Variants in ZAP70 observed in about 807,000 individuals in gnomAD.
ZAP70 encodes the protein tyrosine-protein kinase ZAP-70.
In ZAP70, 27 loss-of-function variants were observed where a neutral mutation model predicts 65.8. The ratio of observed to expected loss-of-function variants is 0.41; its 90% CI spans 0.30 to 0.57. The LOEUF (loss-of-function observed/expected upper bound fraction) is 0.57, where lower values mean the gene tolerates loss of function less well. Ranked by LOEUF, ZAP70 falls within the 20% of genes least tolerant of loss-of-function variation. The pLI, the probability that ZAP70 is intolerant of heterozygous loss-of-function variation, is 0.28. For missense variants in ZAP70, 696 were observed against 870.5 expected (o/e 0.80, Z 2.52); for synonymous variants, 363 against 360.8 (o/e 1.01, Z -0.07).
In ZAP70 at chr2:97,739,696, G is replaced by A. The variant is rs1678067388; in HGVS notation, c.*198G>A. 1.0e-5 allele frequency: 9 copies of A among 860,128 alleles called. No individual in the cohort carries two copies. The East Asian group carries it at 1.3e-4, about 13-fold the overall frequency. The allele number at this position is 860,128 out of a possible 1,614,324, so 53.3% of individuals were successfully genotyped here. On this transcript the variant is annotated 3_prime_UTR_variant, in exon 14 of 14. Transcript: ENST00000264972. ...CTCTGGCTGGGGAGCAGGGAGGTCC[G>A]GGAGGGTGCGGCTGTGCAGCCTGTC...
At position 97,737,353 on chromosome 2, in the gene ZAP70, T is replaced by C; in HGVS notation, c.1290-120T>C. On this transcript the variant is annotated intron_variant, in intron 10 of 13. Coordinates refer to ENST00000264972, the MANE Select transcript of ZAP70 (RefSeq NM_001079.4). The surrounding 1 kb of genome is among the most constrained non-coding windows in gnomAD (Gnocchi z 5.0). ...CGCCTGGCACACAGCAGGTGCTCAA[T>C]AAGCGTTTTTGAACACATGGTCACC... 2.9e-6 allele frequency: 3 copies of C among 1,042,112 alleles called. No homozygotes were observed. The highest frequency in any genetic ancestry group is 1.9e-5 in the Admixed American group (1 of 51,320). The allele number at this position is 1,042,112 out of a possible 1,614,324, so 64.6% of individuals were successfully genotyped here. A position where few individuals can be genotyped will look rare whatever the true frequency, so the allele number is the denominator to read the frequency against.
At chr2:97,744,529 T>C (rs556683976), downstream of ZAP70, among the ~76,000 whole-genome samples, 115 of 152,298 alleles carry the variant, frequency 7.6e-4, no homozygotes, top group African/African-American at 2.7e-3. Flanking sequence ...GTTTAGCACT[T>C]AGTAGCTGCT....
rs1677656019 is a variant in ZAP70 at position 97,732,635 on chromosome 2, G to T, written c.564-248G>T. On this transcript the variant is annotated intron_variant, in intron 4 of 13. Coordinates refer to ENST00000264972, the MANE Select transcript of ZAP70 (RefSeq NM_001079.4). ...AGGTATTCCCCGTGAATGGCCATCT[G>T]TTGGCTCTTGGAGAACAGTGCATTT... The T allele has an allele frequency of 1.7e-5, 10 of 598,552 alleles. No individual in the cohort carries two copies. The South Asian group carries it at 2.0e-4, about 12-fold the overall frequency. 37.1% of individuals were successfully genotyped at this position (598,552 alleles called of 1,614,324 possible).
chr2:97,749,803 C>G, the ZAP70 span, among the ~76,000 whole-genome samples: 1 of 152,122 alleles, frequency 6.6e-6, no homozygotes, highest in Non-Finnish European at 1.5e-5. Context: ...AACGGGAGCC[C>G]AGGCTGGCGG....
intron 2 of ZAP70, among the ~76,000 whole-genome samples, chr2:97,718,113 C>A (rs1209690268): frequency 6.6e-6 from 1 of 152,160 alleles, no homozygotes; most frequent in Non-Finnish European, 1.5e-5. Flanking sequence ...TCACTGGGGA[C>A]TGAGGGACGC....
At chr2:97,745,954 C>T in the ZAP70 span, among the ~76,000 whole-genome samples, 1 of 152,252 alleles carries the variant, frequency 6.6e-6, no homozygotes, top group East Asian at 1.9e-4. Context: ...GTATACATTC[C>T]ATGGAACATT....
rs1166106157 is a variant in ZAP70, at chr2:97,739,482, A to C, written c.1844A>C (p.Glu615Ala). ...CCCCCAGGCAGCACACAGAAGGCTGAGGCTGCCTGTGCCTGAGCTCCCGCT... is the reference window on the plus strand; with the variant it reads ...CCCCCAGGCAGCACACAGAAGGCTGCGGCTGCCTGTGCCTGAGCTCCCGCT... ...EGPPGSTQKA[E>A]AACA The change falls in exon 14 of 14, where the codon GAG becomes GCG. Residue 615 changes from glutamate (E) to alanine (A), a missense_variant. Transcript: ENST00000264972. 6.2e-7 allele frequency: 1 copy of C among 1,612,934 alleles called. No individual in the cohort carries two copies. Among genetic ancestry groups the C allele is most frequent in the East Asian group, 2.2e-5 (1 of 44,868 alleles).
At chr2:97,717,257 G>T (rs1447907806) in intron 2 of ZAP70, among the ~76,000 whole-genome samples, 1 of 152,088 alleles carries the variant, frequency 6.6e-6, no homozygotes, top group Non-Finnish European at 1.5e-5. Flanking sequence ...GGTGGTGGGG[G>T]GGCAGTAGGA....
downstream of ZAP70, among the ~76,000 whole-genome samples, chr2:97,741,677 C>A (rs537104525): frequency 6.6e-6 from 1 of 152,250 alleles, no homozygotes. Context: ...TACCTCTCAA[C>A]GCAGCCTGGG....
In ZAP70 at chr2:97,737,685, A is replaced by G. The variant is rs1334980235; in HGVS notation, c.1482+20A>G. 6.2e-7 allele frequency: 1 copy of G among 1,614,046 alleles called. No individual in the cohort carries two copies. Among genetic ancestry groups the G allele is most frequent in the Non-Finnish European group, 8.5e-7 (1 of 1,179,982 alleles). On this transcript the variant is annotated intron_variant, in intron 11 of 13. Coordinates refer to ENST00000264972, the MANE Select transcript of ZAP70 (RefSeq NM_001079.4). The surrounding 1 kb of genome is among the most constrained non-coding windows in gnomAD (Gnocchi z 5.0). ...TACACTGTAAGCCTCTGCCCCTGTG[A>G]TGCCCGACTGGATGGGCTGGGTGGG...
the ZAP70 span, among the ~76,000 whole-genome samples, chr2:97,748,604 C>CGACTGCTG: frequency 2.0e-5 from 3 of 152,160 alleles, no homozygotes; most frequent in Non-Finnish European, 4.4e-5. Context: ...CTCTGTGCTG[C>CGACTGCTG]GACTGGCTGC....
chr2:97,724,907 C>T, intron 3 of ZAP70, 185 bp from the exon 4 acceptor site: 1 of 1,533,648 alleles, frequency 6.5e-7, no homozygotes, highest in Non-Finnish European at 8.7e-7. Flanking sequence ...GGGGTGGTTC[C>T]TCCCTAGCTG....
At position 97,735,062 on chromosome 2, in the gene ZAP70, G is replaced by T. The variant is rs996246356; in HGVS notation, c.1083-188G>T. 1.0e-4 allele frequency: 75 copies of T among 725,854 alleles called. 2 individuals carry two copies. The South Asian group carries it at 1.2e-3, about 12-fold the overall frequency. 45.0% of individuals were successfully genotyped at this position (725,854 alleles called of 1,614,324 possible). ...ATGGGCTGTTCCCGGTGAGCGATCCGGCTGTGAGCCGTCCTCAGCAGACGC... is the reference window on the plus strand; with the variant it reads ...ATGGGCTGTTCCCGGTGAGCGATCCTGCTGTGAGCCGTCCTCAGCAGACGC... On this transcript the variant is annotated intron_variant, in intron 9 of 13. Transcript: ENST00000264972.
intron 4 of ZAP70, among the ~76,000 whole-genome samples, chr2:97,732,210 C>T (rs953262555): frequency 3.3e-5 from 5 of 152,280 alleles, no homozygotes; most frequent in South Asian, 2.1e-4. Context: ...AGAAGGCAAT[C>T]GAGGGTCTCA....
At chr2:97,755,013 T>C in the ZAP70 span, among the ~76,000 whole-genome samples, 2 of 152,206 alleles carry the variant, frequency 1.3e-5, no homozygotes, top group Admixed American at 6.5e-5. Context: ...TCACGCCAAA[T>C]AACATTTTGA....
chr2:97,731,865 A>G lies in ZAP70; in HGVS notation c.564-1018A>G, dbSNP rs1469586945. On this transcript the variant is annotated intron_variant, in intron 4 of 13. Transcript: ENST00000264972. The surrounding 1 kb of genome is among the most constrained non-coding windows in gnomAD (Gnocchi z 4.0). ...GTAGTGCAGTGCAATCCCTGAGATCAGGAGTCGGCTGCTTCCGGCCTCCAC... is the reference window on the plus strand; with the variant it reads ...GTAGTGCAGTGCAATCCCTGAGATCGGGAGTCGGCTGCTTCCGGCCTCCAC... Among the ~76,000 whole-genome samples, 2 of 152,148 alleles carry G rather than the reference A, an allele frequency of 1.3e-5. No homozygotes were observed. Among genetic ancestry groups the G allele is most frequent in the East Asian group, 3.9e-4 (2 of 5,168 alleles).
intron 9 of ZAP70, 116 bp from the exon 10 acceptor site, chr2:97,735,134 G>T: frequency 7.6e-7 from 1 of 1,309,094 alleles, no homozygotes. Flanking sequence ...CCTGGGTGGC[G>T]ACTACAGTTG....
Position 97,731,036 on chromosome 2 carries a change from T to C in ZAP70, c.564-1847T>C, listed in dbSNP as rs1260476885. Among the ~76,000 whole-genome samples the C allele has an allele frequency of 3.0e-5, 3 of 99,736 alleles. No homozygotes were observed. Among genetic ancestry groups the C allele is most frequent in the Admixed American group, 1.5e-4 (1 of 6,788 alleles). The allele number at this position is 99,736 out of a possible 152,430, so 65.4% of individuals were successfully genotyped here. On this transcript the variant is annotated intron_variant, in intron 4 of 13. Transcript: ENST00000264972. This position sits in a 1 kb window ranked among gnomAD's most constrained non-coding sequence, Gnocchi z 4.0. ...CGCCACTGCACTCCAGCCCGGGCTG[T>C]GGAGCGAGACTCGGTCTCAAAAAAA...
intron 2 of ZAP70, among the ~76,000 whole-genome samples, chr2:97,722,906 CCTA>C (rs1288098185): frequency 6.6e-6 from 1 of 152,156 alleles, no homozygotes; most frequent in Non-Finnish European, 1.5e-5. Context: ...CAGATCGTTA[CCTA>C]GGGTTCAATA....
Sources: gnomAD v4.1 joint callset for allele counts (sites outside exome capture counted in the v4.1 genomes callset) on GRCh38, gnomAD v4.1.1 for gene constraint, Gnocchi (gnomAD v3.1) non-coding constraint, MANE v1.5 for transcripts, NCBI Gene and HGNC (gene_info 2026-07-23, HGNC 2026-07-21) for gene names.